Variants in TBC1D4 observed in about 807,000 individuals in gnomAD.
The protein encoded by TBC1D4 is TBC1 domain family member 4, also known as TBC (Tre-2, BUB2, CDC16) domain-containing protein.
Under a neutral mutation model 142.5 loss-of-function variants are expected in TBC1D4, and 121 were observed. The observed-to-expected ratio is 0.85, with a 90% confidence interval of 0.73 to 0.99. TBC1D4 has a LOEUF of 0.99. Ranked by LOEUF, TBC1D4 falls within the 50% of genes least tolerant of loss-of-function variation. The pLI is 0.00. For synonymous variants in TBC1D4, 630 were observed against 628.2 expected (o/e 1.00, Z -0.04); for missense variants, 1,475 against 1,606.6 (o/e 0.92, Z 1.40).
At chr13:75,303,420 G>C (rs530787300) in intron 15 of TBC1D4, among the ~76,000 whole-genome samples, 20 of 152,248 alleles carry the variant, frequency 1.3e-4, no homozygotes, top group African/African-American at 4.3e-4. Context: ...CACATATAAT[G>C]AAACATTAAC....
At position 75,324,350 on chromosome 13, in the gene TBC1D4, A is replaced by G. The variant is rs910512386; in HGVS notation, c.2085T>C (p.Ser695=). 6.2e-7 allele frequency: 1 copy of G among 1,613,924 alleles called. No individual in the cohort carries two copies. The highest frequency in any genetic ancestry group is 8.5e-7 in the Non-Finnish European group (1 of 1,179,924). The stretch of plus-strand genomic sequence containing the variant: ...AGAAGGAAGTGTGAAGACTTGGAAG[A>G]CTGGAGGAAGAATTACTCTCCTTGT... ...RMYKESNSSS[S]LPSLHTSFSA... The change falls in exon 11 of 21, where the codon AGT becomes AGC. Residue 695 remains serine, a synonymous_variant. Coordinates refer to ENST00000377636, the MANE Select transcript of TBC1D4 (RefSeq NM_014832.5).
intron 1 of TBC1D4, among the ~76,000 whole-genome samples, chr13:75,390,274 C>A (rs1343171141): frequency 1.4e-4 from 4 of 28,918 alleles, no homozygotes; most frequent in Admixed American, 5.2e-4. Flanking sequence ...AGAGAGACTC[C>A]GTCAAAAAAA....
intron 1 of TBC1D4, among the ~76,000 whole-genome samples, chr13:75,399,041 G>C (rs1174076091): frequency 6.6e-6 from 1 of 152,144 alleles, no homozygotes; most frequent in African/African-American, 2.4e-5. Flanking sequence ...TACTACACTA[G>C]CTTAGAATAA....
At chr13:75,470,985 CAAA>C (rs531398241) in intron 1 of TBC1D4, among the ~76,000 whole-genome samples, 5 of 118,586 alleles carry the variant, frequency 4.2e-5, no homozygotes, top group Admixed American at 8.5e-5. Context: ...GCCCCTGTAT[CAAA>C]AAAAAAAAAA....
At chr13:75,292,594 T>C (rs1027852557) in intron 18 of TBC1D4, among the ~76,000 whole-genome samples, 1 of 152,138 alleles carries the variant, frequency 6.6e-6, no homozygotes, top group Non-Finnish European at 1.5e-5. Flanking sequence ...AATTGATATT[T>C]AGATTTTTCT....
At position 75,396,267 on chromosome 13, in the gene TBC1D4, T is replaced by C. The variant is rs1222328402; in HGVS notation, c.499-33660A>G. ...TTATTCCAGCCACGAATGCTGTTAATGGAGTTTATATCTCAACCTTTATTG... is the reference window on the plus strand; with the variant it reads ...TTATTCCAGCCACGAATGCTGTTAACGGAGTTTATATCTCAACCTTTATTG... On this transcript the variant is annotated intron_variant, in intron 1 of 20. Coordinates refer to ENST00000377636, the MANE Select transcript of TBC1D4 (RefSeq NM_014832.5). Among the ~76,000 whole-genome samples, 4 of 152,210 alleles carry C rather than the reference T, an allele frequency of 2.6e-5. No homozygotes were observed. The East Asian group carries it at 5.8e-4, about 22-fold the overall frequency.
rs201409984 is a variant in TBC1D4, at chr13:75,310,157, G to C, written c.2384-6C>G. The C allele has an allele frequency of 1.8e-5, 29 of 1,612,652 alleles. No homozygotes were observed. The highest frequency in any genetic ancestry group is 2.3e-5 in the Non-Finnish European group (27 of 1,179,300). On this transcript the variant is annotated splice_polypyrimidine_tract_variant and splice_region_variant and intron_variant, in intron 13 of 20. Coordinates refer to ENST00000377636, the MANE Select transcript of TBC1D4 (RefSeq NM_014832.5). ...CTCGTTCCTGTCCAATCCATCTGCA[G>C]AGAAGAACACAGTGAGAGGCATTCC...
At chr13:75,344,489 G>A (rs936418685) in intron 5 of TBC1D4, among the ~76,000 whole-genome samples, 74 of 151,994 alleles carry the variant, frequency 4.9e-4, no homozygotes, top group Admixed American at 3.0e-3. Context: ...ACTGACTGGC[G>A]AATTACTGAT....
chr13:75,341,430 C>G, intron 6 of TBC1D4, 66 bp downstream of exon 6: 1 of 1,472,870 alleles, frequency 6.8e-7, no homozygotes, highest in Non-Finnish European at 9.5e-7. Flanking sequence ...AAAACAGGAA[C>G]GCATAAAAAC....
Position 75,362,066 on chromosome 13 carries a change from T to C in TBC1D4, c.1040A>G (p.Gln347Arg). The part of the protein sequence containing the change: ...RRHASAPSHV[Q>R]PSDSEKNRTM... ...CCTGTTCTTCTCCGAGTCCGAGGGCTGGACGTGACTGGGTGCGCTCGCGTG... is the reference window on the plus strand; with the variant it reads ...CCTGTTCTTCTCCGAGTCCGAGGGCCGGACGTGACTGGGTGCGCTCGCGTG... The change falls in exon 2 of 21, where the codon CAG (glutamine) becomes CGG (arginine). Residue 347 changes from glutamine (Q) to arginine (R), a missense_variant. Around this residue, in one of 2 missense-constraint regions of TBC1D4, gnomAD observed 1,227 missense variants for 1,267.7 expected, o/e 0.97. Transcript: ENST00000377636. This position sits in a 1 kb window ranked among gnomAD's most constrained non-coding sequence, Gnocchi z 4.2. 1 of 1,614,144 alleles carries C rather than the reference T, an allele frequency of 6.2e-7. No individual in the cohort carries two copies. The highest frequency in any genetic ancestry group is 8.5e-7 in the Non-Finnish European group (1 of 1,180,030).
At chr13:75,442,789 A>AAAAG (rs546580277) in intron 1 of TBC1D4, among the ~76,000 whole-genome samples, 8 of 152,156 alleles carry the variant, frequency 5.3e-5, no homozygotes, top group African/African-American at 1.4e-4. Flanking sequence ...GAAAAAAAAA[A>AAAAG]AAAGAAAGAA....
chr13:75,440,352 G>T (rs1008412403), intron 1 of TBC1D4, among the ~76,000 whole-genome samples: 1 of 151,870 alleles, frequency 6.6e-6, no homozygotes, highest in African/African-American at 2.4e-5. Flanking sequence ...GCAAAAAACT[G>T]GACTTTATCC....
intron 11 of TBC1D4, among the ~76,000 whole-genome samples, chr13:75,323,789 A>G (rs2137996104): frequency 6.6e-6 from 1 of 152,294 alleles, no homozygotes; most frequent in East Asian, 1.9e-4. Context: ...AATATTCTAT[A>G]TACTTAAAAA....
At chr13:75,375,070 T>C (rs1364447070) in intron 1 of TBC1D4, among the ~76,000 whole-genome samples, 1 of 152,192 alleles carries the variant, frequency 6.6e-6, no homozygotes, top group African/African-American at 2.4e-5. Flanking sequence ...TGCTCCCTAA[T>C]ATTTTTCCAA....
intron 1 of TBC1D4, among the ~76,000 whole-genome samples, chr13:75,385,990 C>T (rs745924185): frequency 2.6e-5 from 4 of 152,134 alleles, no homozygotes; most frequent in South Asian, 2.1e-4. Flanking sequence ...CTAAAGCCCT[C>T]GTGTCCTGCT....
At chr13:75,413,854 T>C (rs1384126912) in intron 1 of TBC1D4, among the ~76,000 whole-genome samples, 1 of 152,188 alleles carries the variant, frequency 6.6e-6, no homozygotes, top group Non-Finnish European at 1.5e-5. Flanking sequence ...TCGGTGGTTC[T>C]CTACAGGATC....
At chr13:75,340,689 G>A (rs1387448332) in intron 7 of TBC1D4, among the ~76,000 whole-genome samples, 5 of 152,178 alleles carry the variant, frequency 3.3e-5, no homozygotes, top group South Asian at 2.1e-4. Flanking sequence ...GCTCATGCCT[G>A]TAATCCCAGC....
At chr13:75,327,584 G>A (rs117929023) in intron 9 of TBC1D4, among the ~76,000 whole-genome samples, 168 bp downstream of exon 9, 1 of 152,262 alleles carries the variant, frequency 6.6e-6, no homozygotes, top group Non-Finnish European at 1.5e-5. Context: ...GGAATAAGAA[G>A]CTACATGCTA....
chr13:75,355,227 G>GT (rs1254728165), intron 4 of TBC1D4, among the ~76,000 whole-genome samples: 1 of 152,210 alleles, frequency 6.6e-6, no homozygotes, highest in Non-Finnish European at 1.5e-5. Flanking sequence ...GAAGTTGTAT[G>GT]TGTTTCCCTG....
Sources: allele counts gnomAD v4.1 joint callset (sites outside exome capture counted in the v4.1 genomes callset), GRCh38; gene constraint gnomAD v4.1.1; regional missense constraint gnomAD v4.1.1; non-coding constraint Gnocchi (gnomAD v3.1); transcripts MANE v1.5; gene names NCBI Gene and HGNC (gene_info 2026-07-23, HGNC 2026-07-21).